TAS1R1: variants seen among roughly 807,000 people sequenced by gnomAD.
TAS1R1 encodes the protein taste 1 receptor member 1, also known as taste receptor type 1 member 1.
TAS1R1 carries 31 observed loss-of-function variants against 45.8 expected under a neutral mutation model. That is an observed-to-expected ratio of 0.68 (90% CI 0.51 to 0.91). The LOEUF is 0.91. Among genes scored for constraint, TAS1R1 ranks in the 40% least tolerant of loss-of-function variants. The pLI is 0.00. For synonymous variants in TAS1R1, 437 were observed against 448.4 expected, an observed-to-expected ratio of 0.97 and a Z score of 0.32; for missense variants, 1,051 against 1,063.9, an observed-to-expected ratio of 0.99 and a Z score of 0.17.
At chr1:6,570,733 A>C (rs1315082721) in intron 1 of TAS1R1, among the ~76,000 whole-genome samples, 176 bp from the exon 2 acceptor site, 1 of 152,186 alleles carries the variant, frequency 6.6e-6, no homozygotes, top group Non-Finnish European at 1.5e-5. Flanking sequence ...TTTCTCCATC[A>C]GGGCCAGCTT....
At chr1:6,562,908 G>A (rs535605784) in intron 1 of TAS1R1, among the ~76,000 whole-genome samples, 1 of 152,318 alleles carries the variant, frequency 6.6e-6, no homozygotes, top group Admixed American at 6.5e-5. Flanking sequence ...TTGCTAAGGC[G>A]GCTCCAGTGA....
intron 1 of TAS1R1, among the ~76,000 whole-genome samples, chr1:6,555,866 C>CCTTTTTTTTTT (rs1553185410): frequency 2.1e-4 from 20 of 95,340 alleles, no homozygotes; most frequent in East Asian, 1.7e-3. Context: ...TTTCCCTCTT[C>CCTTTTTTTTTT]TTTTTTTTTT....
intron 3 of TAS1R1, among the ~76,000 whole-genome samples, chr1:6,576,053 C>T (rs545641980): frequency 1.3e-5 from 2 of 152,148 alleles, no homozygotes; most frequent in East Asian, 1.9e-4. Flanking sequence ...TGGTCTCGAA[C>T]TCCTGGCATC....
At position 6,575,370 on chromosome 1, in the gene TAS1R1, G is replaced by C; in HGVS notation, c.1238G>C (p.Arg413Thr). The change falls in exon 3 of 6, where the codon AGG (arginine) becomes ACG (threonine). Residue 413 changes from arginine (R) to threonine (T), a missense_variant. Physicochemically the swap from Arg to Thr is moderately conservative, Grantham distance 71. Transcript: ENST00000333172. ...LLGCASGACS[R>T]GRVYPWQLLE... ...GGCTGTGCCTCTGGAGCTTGTTCCA[G>C]GGGCCGAGTCTACCCCTGGCAGGTA... The C allele has an allele frequency of 6.3e-7, 1 of 1,582,476 alleles. No individual in the cohort carries two copies. The highest frequency in any genetic ancestry group is 2.2e-5 in the East Asian group (1 of 44,486).
chr1:6,579,149 G>C lies in TAS1R1; in HGVS notation c.2091G>C (p.Trp697Cys), dbSNP rs1298825029. Reference sequence around the variant, plus strand: ...CCCAGCTGCTTATCTGTCTAACTTGGCTGGTGGTGTGGACCCCACTGCCTG... The same window carrying C: ...CCCAGCTGCTTATCTGTCTAACTTGCCTGGTGGTGTGGACCCCACTGCCTG... ...SAAQLLICLT[W>C]LVVWTPLPAR... Residue 697 changes from tryptophan to cysteine, a missense_variant, in exon 6 of 6, where the codon TGG becomes TGC. Coordinates refer to ENST00000333172, the MANE Select transcript of TAS1R1 (RefSeq NM_138697.4). 2.5e-6 allele frequency: 4 copies of C among 1,614,060 alleles called. No individual in the cohort carries two copies. The highest frequency in any genetic ancestry group is 3.4e-6 in the Non-Finnish European group (4 of 1,180,048).
In TAS1R1 at chr1:6,579,411, G is replaced by A. The variant is rs772318722; in HGVS notation, c.2353G>A (p.Gly785Ser). The A allele has an allele frequency of 3.7e-6, 6 of 1,613,930 alleles. No individual in the cohort carries two copies. The highest frequency in any genetic ancestry group is 1.1e-5 in the South Asian group (1 of 91,080). The change falls in exon 6 of 6, where the codon GGC becomes AGC. Residue 785 changes from glycine to serine, a missense_variant. Gly to Ser is a moderately conservative substitution (Grantham distance 56). Transcript: ENST00000333172. ...AFFTTASVYD[G>S]KYLPAANMMA... ...CTTCACCACGGCCAGCGTCTACGAC[G>A]GCAAGTACCTGCCTGCGGCCAACAT...
Position 6,576,496 on chromosome 1 carries a change from A to G in TAS1R1, c.1342A>G (p.Ser448Gly). Reference protein sequence around the residue: ...AFNDNRDPLSSYNIIAWDWNG... With the variant: ...AFNDNRDPLSGYNIIAWDWNG... ...TAATGACAACAGAGATCCCCTCAGTAGCTATAACATAATTGCCTGGGACTG... is the reference window on the plus strand; with the variant it reads ...TAATGACAACAGAGATCCCCTCAGTGGCTATAACATAATTGCCTGGGACTG... The change falls in exon 4 of 6, where the codon AGC becomes GGC. Residue 448 changes from serine (S) to glycine (G), a missense_variant. Ser to Gly is a moderately conservative substitution (Grantham distance 56, BLOSUM62 0). Transcript: ENST00000333172. 6.2e-7 allele frequency: 1 copy of G among 1,614,282 alleles called. No homozygotes were observed. Among genetic ancestry groups the G allele is most frequent in the Non-Finnish European group, 8.5e-7 (1 of 1,180,050 alleles).
chr1:6,570,923 A>C lies in TAS1R1; in HGVS notation c.206A>C (p.Asn69Thr), dbSNP rs373171619. 6.2e-7 allele frequency: 1 copy of C among 1,603,040 alleles called. No homozygotes were observed. The highest frequency in any genetic ancestry group is 8.5e-7 in the Non-Finnish European group (1 of 1,174,532). ...VTLCDRSCSF[N>T]EHGYHLFQAM... is the part of the protein sequence containing the mutation. ...TTTCTCCACAGGTCTTGTAGCTTCA[A>C]TGAGCATGGCTACCACCTCTTCCAG... is the stretch of plus-strand genomic sequence containing the variant. The change falls in exon 2 of 6, where the codon AAT becomes ACT. Residue 69 changes from asparagine (N) to threonine (T), a missense_variant. Physicochemically the swap from Asn to Thr is moderately conservative, Grantham distance 65. Coordinates refer to ENST00000333172, the MANE Select transcript of TAS1R1 (RefSeq NM_138697.4).
intron 1 of TAS1R1, among the ~76,000 whole-genome samples, chr1:6,557,338 C>T (rs1003731390): frequency 6.6e-5 from 10 of 152,152 alleles, no homozygotes; most frequent in African/African-American, 2.4e-4. Flanking sequence ...TTGAGAGACT[C>T]GGGACAGAAG....
At position 6,579,619 on chromosome 1, in the gene TAS1R1, C is replaced by T. The variant is rs757491562; in HGVS notation, c.*35C>T. On this transcript the variant is annotated 3_prime_UTR_variant, in exon 6 of 6. Transcript: ENST00000333172. ...CAGCAGGCACGGCTGGCAGCCTTCT[C>T]TGCCCTGAGGGTCGAAGGTCGAGCA... 1.3e-5 allele frequency: 20 copies of T among 1,575,336 alleles called. No homozygotes were observed. Among genetic ancestry groups the T allele is most frequent in the Middle Eastern group, 3.4e-4 (2 of 5,900 alleles).
In TAS1R1 at chr1:6,579,755, G is replaced by A. The variant is rs1015775775; in HGVS notation, c.*171G>A. 2.4e-6 allele frequency: 2 copies of A among 833,996 alleles called. No individual in the cohort carries two copies. Among genetic ancestry groups the A allele is most frequent in the Non-Finnish European group, 3.6e-6 (2 of 551,658 alleles). 51.7% of individuals were successfully genotyped at this position (833,996 alleles called of 1,614,324 possible). ...GGCTGCCAATAAAGAAGTGAAATGC[G>A]TATCTGGTCTCCTGTCGTGGGAGAG... On this transcript the variant is annotated 3_prime_UTR_variant, in exon 6 of 6. Transcript: ENST00000333172.
At chr1:6,565,206 G>T (rs927995144) in intron 1 of TAS1R1, among the ~76,000 whole-genome samples, 14 of 152,132 alleles carry the variant, frequency 9.2e-5, no homozygotes, top group African/African-American at 2.9e-4. Context: ...AATTAGAGAT[G>T]CAGGGTTAAG....
chr1:6,574,526 C>A lies in TAS1R1; in HGVS notation c.499-105C>A. 7.3e-7 allele frequency: 1 copy of A among 1,369,852 alleles called. No homozygotes were observed. The highest frequency in any genetic ancestry group is 9.8e-7 in the Non-Finnish European group (1 of 1,025,576). 84.9% of individuals were successfully genotyped at this position (1,369,852 alleles called of 1,614,324 possible). A position where few individuals can be genotyped will look rare whatever the true frequency, so the allele number is the denominator to read the frequency against. On this transcript the variant is annotated intron_variant, in intron 2 of 5. Transcript: ENST00000333172. This position sits in a 1 kb window ranked among gnomAD's most constrained non-coding sequence, Gnocchi z 4.3. ...TGTCAGTTTCACAGGCTGAGGGGTGCTCTCCTGGTCTCCCCGGCTCCCTGT... is the reference window on the plus strand; with the variant it reads ...TGTCAGTTTCACAGGCTGAGGGGTGATCTCCTGGTCTCCCCGGCTCCCTGT...
chr1:6,558,047 TG>T lies in TAS1R1; in HGVS notation c.191+2484del, dbSNP rs1403475284. On this transcript the variant is annotated intron_variant, in intron 1 of 5. Coordinates refer to ENST00000333172, the MANE Select transcript of TAS1R1 (RefSeq NM_138697.4). ...AGGTGTAGTGGTTAGTTTTTGTTTTTGTTTTTGTTTTTTTTCTGAGACAGGG... is the reference window on the plus strand; with the variant it reads ...AGGTGTAGTGGTTAGTTTTTGTTTTTTTTTTGTTTTTTTTCTGAGACAGGG... 9.3e-3 allele frequency among the ~76,000 whole-genome samples: 1,298 copies of T among 139,574 alleles called. 22 individuals are homozygous for T. The highest frequency in any genetic ancestry group is 0.031 in the African/African-American group (1,178 of 38,314). The allele number at this position is 139,574 out of a possible 152,430, so 91.6% of individuals were successfully genotyped here. A position where few individuals can be genotyped will look rare whatever the true frequency, so the allele number is the denominator to read the frequency against.
chr1:6,566,150 A>G (rs1363472200), intron 1 of TAS1R1, among the ~76,000 whole-genome samples: 1 of 152,092 alleles, frequency 6.6e-6, no homozygotes, highest in East Asian at 1.9e-4. Flanking sequence ...AGGTCTAAGG[A>G]GGTGAGGTCT....
chr1:6,574,935 C>A lies in TAS1R1; in HGVS notation c.803C>A (p.Ala268Asp), dbSNP rs1438940036. 2.5e-6 allele frequency: 4 copies of A among 1,612,058 alleles called. No individual in the cohort carries two copies. The highest frequency in any genetic ancestry group is 3.4e-6 in the Non-Finnish European group (4 of 1,178,530). The change falls in exon 3 of 6, where the codon GCC (alanine) becomes GAC (aspartate). Residue 268 changes from alanine (A) to aspartate (D), a missense_variant. Coordinates refer to ENST00000333172, the MANE Select transcript of TAS1R1 (RefSeq NM_138697.4). The surrounding 1 kb of genome is among the most constrained non-coding windows in gnomAD (Gnocchi z 4.3). Reference protein sequence around the residue: ...CLMRHLAQAGATVVVVFSSRQ... With the variant: ...CLMRHLAQAGDTVVVVFSSRQ... The stretch of plus-strand genomic sequence containing the variant: ...ATGCGCCACCTGGCCCAGGCCGGGG[C>A]CACCGTCGTGGTTGTTTTTTCCAGC...
rs778991855 is a variant in TAS1R1 at position 6,575,244 on chromosome 1, T to C, written c.1112T>C (p.Met371Thr). ...NQLCRECQAFMAHTMPKLKAF... is the reference protein window; with the variant it reads ...NQLCRECQAFTAHTMPKLKAF... ...CTCTGCAGAGAATGCCAAGCTTTCA[T>C]GGCACACACGATGCCCAAGCTCAAA... The change falls in exon 3 of 6, where the codon ATG becomes ACG. Residue 371 changes from methionine to threonine, a missense_variant. Physicochemically the swap from Met to Thr is moderately conservative, Grantham distance 81. Coordinates refer to ENST00000333172, the MANE Select transcript of TAS1R1 (RefSeq NM_138697.4). 51 of 1,613,466 alleles carry C rather than the reference T, an allele frequency of 3.2e-5. No homozygotes were observed. The highest frequency in any genetic ancestry group is 5.3e-5 in the African/African-American group (4 of 74,958).
chr1:6,579,229 A>C lies in TAS1R1; in HGVS notation c.2171A>C (p.Asn724Thr), dbSNP rs201084942. The part of the protein sequence containing the change: ...HLVMLECTET[N>T]SLGFILAFLY... ...GTGATGCTTGAGTGCACAGAGACCAACTCCCTGGGCTTCATACTGGCCTTC... is the reference window on the plus strand; with the variant it reads ...GTGATGCTTGAGTGCACAGAGACCACCTCCCTGGGCTTCATACTGGCCTTC... Residue 724 changes from asparagine (N) to threonine (T), a missense_variant, in exon 6 of 6, where the codon AAC (asparagine) becomes ACC (threonine). Transcript: ENST00000333172. 1.1e-5 allele frequency: 18 copies of C among 1,613,738 alleles called. No individual in the cohort carries two copies. The African/African-American group carries it at 2.4e-4, about 22-fold the overall frequency.
intron 2 of TAS1R1, among the ~76,000 whole-genome samples, chr1:6,573,845 A>T (rs1443661246): frequency 6.6e-6 from 1 of 151,832 alleles, no homozygotes; most frequent in East Asian, 1.9e-4. Context: ...TTGTATTTTT[A>T]GTAGAGACGG....
Sources: gnomAD v4.1 joint callset for allele counts (sites outside exome capture counted in the v4.1 genomes callset) on GRCh38, gnomAD v4.1.1 for gene constraint, Gnocchi (gnomAD v3.1) non-coding constraint, MANE v1.5 for transcripts, NCBI Gene and HGNC (gene_info 2026-07-23, HGNC 2026-07-21) for gene names.